The following PLCG2 variants were observed in gnomAD, a reference collection of about 807,000 sequenced individuals.
The protein encoded by PLCG2 is phospholipase C gamma 2.
Under a neutral mutation model 175.6 loss-of-function variants are expected in PLCG2, and 69 were observed. The observed-to-expected ratio is 0.39, with a 90% CI of 0.32 to 0.48. PLCG2 has a LOEUF of 0.48. PLCG2 is among the 20% of genes least tolerant of loss of function. The pLI is 0.91. For synonymous variants in PLCG2, 827 were observed against 624.0 expected (o/e 1.33, Z -4.85); for missense variants, 1,798 against 1,650.9 (o/e 1.09, Z -1.54).
chr16:81,902,892 C>T (rs1909212027), intron 14 of PLCG2, among the ~76,000 whole-genome samples: 1 of 152,180 alleles, frequency 6.6e-6, no homozygotes, highest in Non-Finnish European at 1.5e-5. Context: ...TTCAGGGAAA[C>T]TCCCATTTAT....
chr16:81,921,854 C>T (rs1013118962), intron 21 of PLCG2, among the ~76,000 whole-genome samples: 3 of 152,224 alleles, frequency 2.0e-5, no homozygotes, highest in Non-Finnish European at 2.9e-5. Flanking sequence ...CTGTTGAAAT[C>T]CAGAGATGAC....
intron 2 of PLCG2, among the ~76,000 whole-genome samples, chr16:81,759,790 T>C (rs959074570): frequency 6.6e-6 from 1 of 152,236 alleles, no homozygotes; most frequent in Non-Finnish European, 1.5e-5. Context: ...CCGTAGCTCC[T>C]TTCCAGTCTT....
chr16:81,744,655 C>A (rs1025339317), intron 1 of PLCG2, among the ~76,000 whole-genome samples: 1 of 152,130 alleles, frequency 6.6e-6, no homozygotes, highest in Non-Finnish European at 1.5e-5. Context: ...TCTCTGCAGC[C>A]TTGACCTCCT....
At chr16:81,778,166 A>G (rs1218873282), upstream of PLCG2, among the ~76,000 whole-genome samples, 1 of 152,116 alleles carries the variant, frequency 6.6e-6, no homozygotes, top group Non-Finnish European at 1.5e-5. Context: ...GCTTGAGGTC[A>G]GGAGTTCAAG....
intron 15 of PLCG2, among the ~76,000 whole-genome samples, 187 bp from the exon 16 acceptor site, chr16:81,907,498 G>C (rs1281068111): frequency 6.6e-6 from 1 of 152,186 alleles, no homozygotes; most frequent in African/African-American, 2.4e-5. Flanking sequence ...AGCTCAAAAT[G>C]CATCGATATT....
chr16:81,946,348 T>C (rs969788320), intron 31 of PLCG2, 85 bp downstream of exon 31: 1 of 944,604 alleles, frequency 1.1e-6, no homozygotes, highest in Admixed American at 1.7e-5. Context: ...AATTGGCAGA[T>C]GGACTTAAGC....
At chr16:81,919,244 G>A (rs950524986) in intron 19 of PLCG2, among the ~76,000 whole-genome samples, 28 of 152,278 alleles carry the variant, frequency 1.8e-4, no homozygotes, top group African/African-American at 6.5e-4. Context: ...AGGGTAAGAG[G>A]AGCTGTTGAG....
intron 2 of PLCG2, among the ~76,000 whole-genome samples, chr16:81,770,080 C>A (rs1043287238): frequency 6.6e-6 from 1 of 152,118 alleles, no homozygotes; most frequent in African/African-American, 2.4e-5. Context: ...ATTCCAAATG[C>A]TTTCTCTCCA....
At chr16:81,762,912 G>A (rs1220563101) in intron 2 of PLCG2, among the ~76,000 whole-genome samples, 1 of 152,042 alleles carries the variant, frequency 6.6e-6, no homozygotes, top group Non-Finnish European at 1.5e-5. Context: ...TTTTTAATTA[G>A]CGGGAATGGT....
rs113252062 is a variant in PLCG2 at position 81,920,644 on chromosome 16, C to G, written c.2236-554C>G. Among the ~76,000 whole-genome samples, 878 of 152,108 alleles carry G rather than the reference C, an allele frequency of 5.8e-3. 5 individuals are homozygous for G. The highest frequency in any genetic ancestry group is 0.02 in the African/African-American group (837 of 41,462). ...TACAGGAGTGGCCACATCACAAGCC[C>G]TAAGGTGACATGAGGAACAGAAAGA... On this transcript the variant is annotated intron_variant, in intron 20 of 32. Transcript: ENST00000564138.
chr16:81,821,753 A>G (rs1489657737), intron 2 of PLCG2, among the ~76,000 whole-genome samples: 1 of 152,206 alleles, frequency 6.6e-6, no homozygotes, highest in African/African-American at 2.4e-5. Context: ...TAACTTGCCA[A>G]GCAACTGGGG....
intron 14 of PLCG2, among the ~76,000 whole-genome samples, chr16:81,902,634 C>G (rs1471995925): frequency 6.6e-6 from 1 of 152,106 alleles, no homozygotes. Context: ...GAGCTCTACC[C>G]TCATTCCCAT....
intron 2 of PLCG2, among the ~76,000 whole-genome samples, chr16:81,815,168 C>T (rs892684043): frequency 4.6e-5 from 7 of 152,134 alleles, no homozygotes; most frequent in Admixed American, 2.0e-4. Flanking sequence ...CGCTCTGGAA[C>T]GCCTCTTCAT....
chr16:81,864,748 G>T (rs1009793673), intron 5 of PLCG2, among the ~76,000 whole-genome samples: 4 of 152,152 alleles, frequency 2.6e-5, no homozygotes, highest in African/African-American at 9.7e-5. Flanking sequence ...AGCATGGCTG[G>T]TAAGTGTCAC....
Position 81,959,026 on chromosome 16 carries a change from G to C in PLCG2, c.*1028G>C, listed in dbSNP as rs569178677. The C allele has an allele frequency of 4.5e-6, 1 of 222,914 alleles. No individual in the cohort carries two copies. Among genetic ancestry groups the C allele is most frequent in the Non-Finnish European group, 9.0e-6 (1 of 111,608 alleles). The allele number at this position is 222,914 out of a possible 1,614,324, so 13.8% of individuals were successfully genotyped here. A position where few individuals can be genotyped will look rare whatever the true frequency, so the allele number is the denominator to read the frequency against. ...CTACCTAGTTCATGACAGTATGTGC[G>C]GCTGGCCAGGGCTTTACACCTCTGC... is the stretch of plus-strand genomic sequence containing the variant. On this transcript the variant is annotated 3_prime_UTR_variant, in exon 33 of 33. Coordinates refer to ENST00000564138, the MANE Select transcript of PLCG2 (RefSeq NM_002661.5).
At chr16:81,765,192 C>T (rs540222009) in intron 2 of PLCG2, among the ~76,000 whole-genome samples, 1 of 152,356 alleles carries the variant, frequency 6.6e-6, no homozygotes, top group African/African-American at 2.4e-5. Context: ...GGCAACACAG[C>T]GACACACAGG....
At chr16:81,865,088 A>G (rs1368366957) in intron 5 of PLCG2, among the ~76,000 whole-genome samples, 1 of 152,142 alleles carries the variant, frequency 6.6e-6, no homozygotes, top group Non-Finnish European at 1.5e-5. Context: ...GGGAGTCACA[A>G]CCATGGCCTG....
intron 2 of PLCG2, among the ~76,000 whole-genome samples, chr16:81,840,858 C>T (rs918504002): frequency 1.3e-5 from 2 of 152,140 alleles, no homozygotes; most frequent in African/African-American, 2.4e-5. Flanking sequence ...GGGGGTGGAT[C>T]CAGCTAGAAC....
In PLCG2 at chr16:81,958,751, G is replaced by A. The variant is rs1911673534; in HGVS notation, c.*753G>A. 5 of 221,678 alleles carry A rather than the reference G, an allele frequency of 2.3e-5. No homozygotes were observed. The highest frequency in any genetic ancestry group is 3.6e-5 in the Non-Finnish European group (4 of 110,716). 13.7% of individuals were successfully genotyped at this position (221,678 alleles called of 1,614,324 possible). On this transcript the variant is annotated 3_prime_UTR_variant, in exon 33 of 33. Transcript: ENST00000564138. ...TGCCCCTGGCTCTGCCAGCTGCTGG[G>A]AGGCTCTGGCCCCACTAGTCCCTCA...
Sources: gnomAD v4.1 joint callset for allele counts (sites outside exome capture counted in the v4.1 genomes callset) on GRCh38, gnomAD v4.1.1 for gene constraint, MANE v1.5 for transcripts, NCBI Gene and HGNC (gene_info 2026-07-23, HGNC 2026-07-21) for gene names.